The following EPB41L5 variants were observed in gnomAD, a reference collection of about 807,000 sequenced individuals.
EPB41L5 encodes the protein band 4.1-like protein 5.
Under a neutral mutation model 106.6 loss-of-function variants are expected in EPB41L5, and 55 were observed. The ratio of observed to expected loss-of-function variants is 0.52; its 90% CI spans 0.42 to 0.65. EPB41L5 has a LOEUF of 0.65. Among genes scored for constraint, EPB41L5 ranks in the 30% least tolerant of loss-of-function variants. The probability of loss-of-function intolerance (pLI) is 0.00; values close to 1 mark genes in which losing one functional copy is unlikely to be tolerated. For synonymous variants in EPB41L5, 297 were observed against 306.7 expected (o/e 0.97, Z 0.33); for missense variants, 871 against 882.1 (o/e 0.99, Z 0.16).
chr2:120,153,155 G>C (rs1363909470), intron 20 of EPB41L5, among the ~76,000 whole-genome samples: 1 of 151,926 alleles, frequency 6.6e-6, no homozygotes, highest in African/African-American at 2.4e-5. Context: ...ATTTTATTCT[G>C]AGCGTTGCTT....
At chr2:120,061,543 G>A (rs1295273450) in intron 3 of EPB41L5, among the ~76,000 whole-genome samples, 1 of 151,992 alleles carries the variant, frequency 6.6e-6, no homozygotes, top group Non-Finnish European at 1.5e-5. Flanking sequence ...ATAGAGACAG[G>A]GTTTCACCAC....
intron 13 of EPB41L5, among the ~76,000 whole-genome samples, chr2:120,092,800 C>G (rs1275560614): frequency 6.6e-6 from 1 of 152,188 alleles, no homozygotes; most frequent in Non-Finnish European, 1.5e-5. Context: ...AATCAGTCAG[C>G]TCACTCTGGA....
At position 120,171,517 on chromosome 2, in the gene EPB41L5, G is replaced by A. The variant is rs537723064; in HGVS notation, c.2136-3324G>A. Among the ~76,000 whole-genome samples, 149 of 152,260 alleles carry A rather than the reference G, an allele frequency of 9.8e-4. 2 individuals carry two copies. The South Asian group carries it at 0.029, about 29-fold the overall frequency. Reference sequence around the variant, plus strand: ...TGGAGTAAGGCTCTAGACTGAACACGGGAAGACTAACTCAAAGTCCACACA... The same window carrying A: ...TGGAGTAAGGCTCTAGACTGAACACAGGAAGACTAACTCAAAGTCCACACA... On this transcript the variant is annotated intron_variant, in intron 24 of 24. Coordinates refer to ENST00000263713, the MANE Select transcript of EPB41L5 (RefSeq NM_020909.4).
At chr2:120,015,348 C>G (rs1009113740) in intron 1 of EPB41L5, among the ~76,000 whole-genome samples, 108 of 151,470 alleles carry the variant, frequency 7.1e-4, no homozygotes, top group African/African-American at 2.6e-3. Flanking sequence ...TAGGTGGGGT[C>G]TTGCTGTGTT....
chr2:120,043,630 T>C (rs1177736018), intron 3 of EPB41L5, among the ~76,000 whole-genome samples: 1 of 151,546 alleles, frequency 6.6e-6, no homozygotes, highest in Non-Finnish European at 1.5e-5. Flanking sequence ...TCCAGATAGC[T>C]GGGAGACTGA....
At chr2:120,077,201 C>T in intron 8 of EPB41L5, 28 bp from the exon 9 acceptor site, 1 of 1,588,772 alleles carries the variant, frequency 6.3e-7, no homozygotes, top group Non-Finnish European at 8.6e-7. Flanking sequence ...TTTATTGTTA[C>T]TTTAAAAATC....
chr2:120,093,637 C>T (rs1430643108), intron 14 of EPB41L5, among the ~76,000 whole-genome samples: 1 of 152,202 alleles, frequency 6.6e-6, no homozygotes, highest in Non-Finnish European at 1.5e-5. Flanking sequence ...ATAAATCCCA[C>T]TTGGTTGTGG....
rs150474439 is a variant in EPB41L5, at chr2:120,162,356, A to G, written c.1887+1382A>G. On this transcript the variant is annotated intron_variant, in intron 21 of 24. Transcript: ENST00000263713. The stretch of plus-strand genomic sequence containing the variant: ...AAGTTAAATTAAAAATTGCCCTTGC[A>G]TGAACACTTACCATTTGTCTTTTTT... Among the ~76,000 whole-genome samples the G allele has an allele frequency of 1.3e-3, 200 of 152,380 alleles. 1 individual carries two copies. The highest frequency in any genetic ancestry group is 4.5e-3 in the African/African-American group (186 of 41,592).
chr2:120,122,609 T>A (rs1298556761), intron 16 of EPB41L5, among the ~76,000 whole-genome samples: 1 of 152,222 alleles, frequency 6.6e-6, no homozygotes, highest in African/African-American at 2.4e-5. Flanking sequence ...TCAGGTAGCA[T>A]GATGCCTCCA....
chr2:120,166,955 AT>A (rs1212964184), intron 22 of EPB41L5, among the ~76,000 whole-genome samples: 1 of 152,206 alleles, frequency 6.6e-6, no homozygotes, highest in Non-Finnish European at 1.5e-5. Context: ...CAGGAGCAAT[AT>A]GGGTGTTTTT....
intron 20 of EPB41L5, among the ~76,000 whole-genome samples, chr2:120,159,171 T>C (rs1687025097): frequency 6.6e-6 from 1 of 151,046 alleles, no homozygotes; most frequent in Admixed American, 6.6e-5. Flanking sequence ...ACTCCTGTAA[T>C]CCCAGCACTT....
At chr2:120,173,599 ACT>A (rs778718414) in intron 24 of EPB41L5, among the ~76,000 whole-genome samples, 41 of 152,220 alleles carry the variant, frequency 2.7e-4, no homozygotes, top group Non-Finnish European at 4.0e-4. Flanking sequence ...GGTACAGGTG[ACT>A]CTGTTTCATT....
At chr2:120,073,086 G>T (rs1401654623) in intron 3 of EPB41L5, 92 bp from the exon 4 acceptor site, 1 of 1,118,628 alleles carries the variant, frequency 8.9e-7, no homozygotes, top group Non-Finnish European at 1.3e-6. Flanking sequence ...GCGGTTATCA[G>T]TGTAGGCACA....
Position 120,128,005 on chromosome 2 carries a change from G to T in EPB41L5, c.1501+154G>T, listed in dbSNP as rs188879704. The stretch of plus-strand genomic sequence containing the variant: ...TGCCCTCTTGCCTTTTTGACTTAAG[G>T]TAACACTGAAATATTTAAGATAACA... On this transcript the variant is annotated intron_variant, in intron 17 of 24. Transcript: ENST00000263713. 1.0e-3 allele frequency: 560 copies of T among 544,924 alleles called. 5 individuals are homozygous for T. The East Asian group carries it at 0.017, about 17-fold the overall frequency. 33.8% of individuals were successfully genotyped at this position (544,924 alleles called of 1,614,324 possible). A position where few individuals can be genotyped will look rare whatever the true frequency, so the allele number is the denominator to read the frequency against.
chr2:120,123,112 A>AT lies in EPB41L5; in HGVS notation c.1338-4575dup, dbSNP rs528559576. 3.3e-5 allele frequency among the ~76,000 whole-genome samples: 5 copies of AT among 152,062 alleles called. No homozygotes were observed. In the East Asian group the frequency reaches 9.7e-4, roughly 29 times the overall value. On this transcript the variant is annotated intron_variant, in intron 16 of 24. Coordinates refer to ENST00000263713, the MANE Select transcript of EPB41L5 (RefSeq NM_020909.4). ...GGTGGTCTGATTGTTGGTTGCACAG[A>AT]TATTTCTAATTCTTCCCTTCATTGC...
At position 120,160,931 on chromosome 2, in the gene EPB41L5, C is replaced by T. The variant is rs1687114763; in HGVS notation, c.1844C>T (p.Thr615Ile). 5 of 1,613,962 alleles carry T rather than the reference C, an allele frequency of 3.1e-6. No homozygotes were observed. In the East Asian group the frequency reaches 6.7e-5, roughly 22 times the overall value. The part of the protein sequence containing the change: ...NVPLPKESLE[T>I]LMLITPADSG... Reference sequence around the variant, plus strand: ...CCCCTCCCCAAAGAGTCTCTTGAGACTCTGATGCTTATCACACCTGCCGAC... The same window carrying T: ...CCCCTCCCCAAAGAGTCTCTTGAGATTCTGATGCTTATCACACCTGCCGAC... The change falls in exon 21 of 25, where the codon ACT becomes ATT. Residue 615 changes from threonine (T) to isoleucine (I), a missense_variant. Transcript: ENST00000263713.
At chr2:120,027,579 C>CT (rs1020821650) in intron 2 of EPB41L5, among the ~76,000 whole-genome samples, 4 of 151,866 alleles carry the variant, frequency 2.6e-5, no homozygotes, top group East Asian at 3.9e-4. Flanking sequence ...TATGGACTTT[C>CT]TTTTTTTTAG....
Position 120,178,788 on chromosome 2 carries a change from C to T in EPB41L5, c.*3881C>T, listed in dbSNP as rs543637255. ...TGTAAGTCCCTATGTCACCACATTG[C>T]TTGAGATGATCATTCAGTTACTTGT... On this transcript the variant is annotated 3_prime_UTR_variant, in exon 25 of 25. Transcript: ENST00000263713. 5.3e-5 allele frequency: 8 copies of T among 152,312 alleles called. No homozygotes were observed. In the South Asian group the frequency reaches 1.7e-3, roughly 32 times the overall value. The allele number at this position is 152,312 out of a possible 1,614,324, so 9.4% of individuals were successfully genotyped here. A position where few individuals can be genotyped will look rare whatever the true frequency, so the allele number is the denominator to read the frequency against.
chr2:120,026,880 A>G (rs576006302), intron 2 of EPB41L5, among the ~76,000 whole-genome samples: 3 of 152,330 alleles, frequency 2.0e-5, no homozygotes, highest in African/African-American at 4.8e-5. Context: ...AGAACACCCA[A>G]TTTAAAAATG....
Sources: allele counts gnomAD v4.1 joint callset (sites outside exome capture counted in the v4.1 genomes callset), GRCh38; gene constraint gnomAD v4.1.1; transcripts MANE v1.5; gene names NCBI Gene and HGNC (gene_info 2026-07-23, HGNC 2026-07-21).